FBXO38: variants seen among roughly 807,000 people sequenced by gnomAD.
FBXO38 encodes F-box protein 38, also known as F-box only protein 38.
FBXO38 carries 53 observed loss-of-function variants against 131.9 expected under a neutral mutation model. The observed-to-expected ratio is 0.40, with a 90% CI of 0.32 to 0.51. The LOEUF (loss-of-function observed/expected upper bound fraction) is 0.51, where lower values mean the gene tolerates loss of function less well. FBXO38 is among the 20% of genes least tolerant of loss of function. FBXO38 has a pLI of 0.53. For missense variants in FBXO38, 1,076 were observed against 1,475.6 expected (o/e 0.73, Z 4.44); for synonymous variants, 452 against 505.6 (o/e 0.89, Z 1.42).
chr5:148,404,856 A>C, intron 6 of FBXO38, 34 bp downstream of exon 6: 1 of 1,554,198 alleles, frequency 6.4e-7, no homozygotes, highest in Non-Finnish European at 8.6e-7. Flanking sequence ...AATTAAACAT[A>C]AGTTATTCTA....
In FBXO38 at chr5:148,425,508, T is replaced by G. The variant is rs1384224713; in HGVS notation, c.1739-14T>G. ...GCGCAAAAAGTAACTGTTAGGCCTG[T>G]GCTTTTTTTTAAGGACCCAGTGGTC... On this transcript the variant is annotated splice_polypyrimidine_tract_variant and intron_variant, in intron 13 of 21. Coordinates refer to ENST00000340253, the MANE Select transcript of FBXO38 (RefSeq NM_205836.3). 1 of 1,605,838 alleles carries G rather than the reference T, an allele frequency of 6.2e-7. No individual in the cohort carries two copies. The highest frequency in any genetic ancestry group is 8.5e-7 in the Non-Finnish European group (1 of 1,174,118).
intron 18 of FBXO38, 89 bp downstream of exon 18, chr5:148,438,587 GCATT>G: frequency 7.0e-7 from 1 of 1,418,702 alleles, no homozygotes. Context: ...TTTGGATTTG[GCATT>G]CATTCACTTG....
chr5:148,385,819 A>C (rs1386281142), intron 1 of FBXO38, among the ~76,000 whole-genome samples: 1 of 152,214 alleles, frequency 6.6e-6, no homozygotes, highest in African/African-American at 2.4e-5. Flanking sequence ...ATAGAAACTA[A>C]AGAAAGGCAT....
intron 17 of FBXO38, among the ~76,000 whole-genome samples, chr5:148,435,814 T>G (rs1379799045): frequency 6.6e-6 from 1 of 152,116 alleles, no homozygotes; most frequent in African/African-American, 2.4e-5. Context: ...GACTCTTCCT[T>G]TTACTTGAAC....
At chr5:148,416,160 A>G (rs755213247) in intron 11 of FBXO38, 90 bp downstream of exon 11, 1 of 1,296,756 alleles carries the variant, frequency 7.7e-7, no homozygotes. Context: ...CTTTTCAATG[A>G]TATGCCTTTA....
Position 148,414,309 on chromosome 5 carries a change from AT to A in FBXO38, c.1264+5del. 1 of 1,584,642 alleles carries A rather than the reference AT, an allele frequency of 6.3e-7. No homozygotes were observed. Among genetic ancestry groups the A allele is most frequent in the Non-Finnish European group, 8.6e-7 (1 of 1,168,238 alleles). ...CAACCCATACAATTGGATCTCAGGT[AT>A]TACAGACTTAAAAATACAGCTATGT... On this transcript the variant is annotated splice_donor_region_variant and intron_variant, in intron 10 of 21. Transcript: ENST00000340253.
intron 17 of FBXO38, 149 bp from the exon 18 acceptor site, chr5:148,438,183 A>C (rs1754460247): frequency 1.6e-6 from 1 of 624,522 alleles, no homozygotes; most frequent in Non-Finnish European, 2.5e-6. Flanking sequence ...CACATTTTCA[A>C]ATTTTTTTGT....
Position 148,427,506 on chromosome 5 carries a change from G to T in FBXO38, c.2212G>T (p.Glu738Ter). Reference sequence around the variant, plus strand: ...GACGGTGAACAGCGGCGGCTCTTCCGAGCCTAGCCCTACAGAAGTGGATGT... The same window carrying T: ...GACGGTGAACAGCGGCGGCTCTTCCTAGCCTAGCCCTACAGAAGTGGATGT... ...VRTVNSGGSSEPSPTEVDVSR... is the reference protein window; with the variant it reads ...VRTVNSGGSS The change falls in exon 15 of 22, where the codon GAG (glutamate) becomes TAG (stop). Residue 738 changes from glutamate to a stop codon, truncating the protein, a stop_gained. Coordinates refer to ENST00000340253, the MANE Select transcript of FBXO38 (RefSeq NM_205836.3). LOFTEE classifies it high-confidence loss of function. 1 of 1,614,142 alleles carries T rather than the reference G, an allele frequency of 6.2e-7. No individual in the cohort carries two copies. Among genetic ancestry groups the T allele is most frequent in the Non-Finnish European group, 8.5e-7 (1 of 1,180,014 alleles).
intron 3 of FBXO38, among the ~76,000 whole-genome samples, chr5:148,400,693 A>G (rs1009893404): frequency 1.3e-5 from 2 of 152,138 alleles, no homozygotes; most frequent in African/African-American, 4.8e-5. Flanking sequence ...TTCTCACTCC[A>G]TCTCTGTAAA....
In FBXO38 at chr5:148,390,635, A is replaced by T. The variant is rs143651843; in HGVS notation, c.-63-4079A>T. 2.3e-3 allele frequency among the ~76,000 whole-genome samples: 343 copies of T among 152,312 alleles called. 3 individuals carry two copies. Among genetic ancestry groups the T allele is most frequent in the African/African-American group, 7.8e-3 (325 of 41,568 alleles). On this transcript the variant is annotated intron_variant, in intron 1 of 21. Coordinates refer to ENST00000340253, the MANE Select transcript of FBXO38 (RefSeq NM_205836.3). The stretch of plus-strand genomic sequence containing the variant: ...GAAGGTTTTTGTCAGCTTCCTGGAG[A>T]TCTAACCTCAGTATAATATTGTATA...
At chr5:148,424,219 T>C in intron 13 of FBXO38, 102 bp downstream of exon 13, 1 of 1,138,428 alleles carries the variant, frequency 8.8e-7, no homozygotes, top group South Asian at 1.5e-5. Context: ...ACCTTTCAGC[T>C]AATGATACGT....
rs1312253657 is a variant in FBXO38 at position 148,425,669 on chromosome 5, C to G, written c.1886C>G (p.Thr629Ser). 3 of 1,613,930 alleles carry G rather than the reference C, an allele frequency of 1.9e-6. No homozygotes were observed. The Admixed American group carries it at 5.0e-5, about 27-fold the overall frequency. ...TRRYSEREEKTGESVQSRELS... is the reference protein window; with the variant it reads ...TRRYSEREEKSGESVQSRELS... ...CGTTACTCTGAACGTGAAGAAAAAA[C>G]TGGAGAGTCAGTGCAGTCCAGAGAA... The change falls in exon 14 of 22, where the codon ACT becomes AGT. Residue 629 changes from threonine (T) to serine (S), a missense_variant. Around this residue, in one of 8 missense-constraint regions of FBXO38, gnomAD observed 212 missense variants for 221.2 expected, o/e 0.96. Coordinates refer to ENST00000340253, the MANE Select transcript of FBXO38 (RefSeq NM_205836.3).
intron 20 of FBXO38, among the ~76,000 whole-genome samples, 153 bp from the exon 21 acceptor site, chr5:148,440,969 CAG>C (rs1178979717): frequency 2.0e-5 from 3 of 152,094 alleles, no homozygotes; most frequent in Non-Finnish European, 4.4e-5. Context: ...AAAACGTAAA[CAG>C]AAATTACAAA....
chr5:148,421,239 T>C (rs1251235303), intron 12 of FBXO38, among the ~76,000 whole-genome samples: 1 of 152,134 alleles, frequency 6.6e-6, no homozygotes, highest in Non-Finnish European at 1.5e-5. Flanking sequence ...ACTGGGATTA[T>C]AGGCATGAGC....
At position 148,392,268 on chromosome 5, in the gene FBXO38, G is replaced by C. The variant is rs74577010; in HGVS notation, c.-63-2446G>C. On this transcript the variant is annotated intron_variant, in intron 1 of 21. Coordinates refer to ENST00000340253, the MANE Select transcript of FBXO38 (RefSeq NM_205836.3). ...GTAAGAACTGTATTGAGATAAAATTGATAAAAATAGCCCATCAATTGTCTG... is the reference window on the plus strand; with the variant it reads ...GTAAGAACTGTATTGAGATAAAATTCATAAAAATAGCCCATCAATTGTCTG... 3.4e-3 allele frequency among the ~76,000 whole-genome samples: 524 copies of C among 152,226 alleles called. 2 individuals carry two copies. The highest frequency in any genetic ancestry group is 6.1e-3 in the Non-Finnish European group (412 of 68,018).
rs539415665 is a variant in FBXO38, at chr5:148,402,390, A to G, written c.469A>G (p.Thr157Ala). ...TTTGGAGTTGGTAGAATCCATTTGG[A>G]CATATATGCCCCATGTTCATATTTT... ...SHLELVESIW[T>A]YMPHVHILGK... The change falls in exon 5 of 22, where the codon ACA becomes GCA. Residue 157 changes from threonine (T) to alanine (A), a missense_variant. Thr to Ala is a moderately conservative substitution (Grantham distance 58). Transcript: ENST00000340253. The G allele has an allele frequency of 3.7e-6, 6 of 1,612,500 alleles. No homozygotes were observed. In the African/African-American group the frequency reaches 8.0e-5, roughly 22 times the overall value.
chr5:148,391,560 T>G (rs1758194080), intron 1 of FBXO38, among the ~76,000 whole-genome samples: 1 of 152,196 alleles, frequency 6.6e-6, no homozygotes, highest in Non-Finnish European at 1.5e-5. Context: ...CACCAATGGT[T>G]GTTTGGGGGA....
intron 17 of FBXO38, among the ~76,000 whole-genome samples, chr5:148,436,421 C>T (rs1366992367): frequency 6.6e-6 from 1 of 152,094 alleles, no homozygotes; most frequent in Non-Finnish European, 1.5e-5. Context: ...TAACATGATG[C>T]TCAAAGGAAA....
chr5:148,420,211 C>T lies in FBXO38; in HGVS notation c.1618+3007C>T, dbSNP rs1753332218. ...GATCATAGCTCACTGTAGCCTCAAA[C>T]TCCTGGGTTCAAGTGATCCTTCCAC... On this transcript the variant is annotated intron_variant, in intron 12 of 21. Transcript: ENST00000340253. 2.0e-5 allele frequency among the ~76,000 whole-genome samples: 3 copies of T among 150,340 alleles called. No homozygotes were observed. The Admixed American group carries it at 2.0e-4, about 10-fold the overall frequency.
Sources: allele counts gnomAD v4.1 joint callset (sites outside exome capture counted in the v4.1 genomes callset), GRCh38; gene constraint gnomAD v4.1.1; regional missense constraint gnomAD v4.1.1; transcripts MANE v1.5; gene names NCBI Gene and HGNC (gene_info 2026-07-23, HGNC 2026-07-21).